The following FGFR2 variants were observed in gnomAD, a reference collection of about 807,000 sequenced individuals.
The protein encoded by FGFR2 is BEK fibroblast growth factor receptor.
Under a neutral mutation model 95.9 loss-of-function variants are expected in FGFR2, and 19 were observed. The observed-to-expected ratio is 0.20, with a 90% CI of 0.14 to 0.29. The LOEUF is 0.29. Ranked by LOEUF, FGFR2 falls within the 10% of genes least tolerant of loss-of-function variation. FGFR2 has a pLI of 1.00. For synonymous variants in FGFR2, 392 were observed against 393.3 expected (o/e 1.00, Z 0.04); for missense variants, 707 against 1,056.9 (o/e 0.67, Z 4.59).
intron 13 of FGFR2, among the ~76,000 whole-genome samples, chr10:121,495,977 C>T (rs1589751445): frequency 6.6e-6 from 1 of 152,192 alleles, no homozygotes; most frequent in Admixed American, 6.5e-5. Context: ...GGCAGTCCAC[C>T]TCAGGGGACC....
intron 2 of FGFR2, among the ~76,000 whole-genome samples, chr10:121,591,905 G>A (rs1196567195): frequency 3.3e-5 from 5 of 152,080 alleles, no homozygotes; most frequent in African/African-American, 1.2e-4. Context: ...GGGGAACTTC[G>A]TCCCTTTCCA....
At chr10:121,510,214 C>T (rs1411625781) in intron 9 of FGFR2, among the ~76,000 whole-genome samples, 1 of 152,196 alleles carries the variant, frequency 6.6e-6, no homozygotes, top group African/African-American at 2.4e-5. Context: ...TCTCTGCCTC[C>T]CGCAGGCCTT....
chr10:121,562,254 A>C (rs1857088624), intron 4 of FGFR2, among the ~76,000 whole-genome samples: 1 of 148,620 alleles, frequency 6.7e-6, no homozygotes, highest in East Asian at 1.9e-4. Flanking sequence ...CTTTATTTGC[A>C]ACTGTCAAAA....
rs780587674 is a variant in FGFR2 at position 121,496,593 on chromosome 10, T to C, written c.1802A>G (p.Lys601Arg). 3 of 1,613,750 alleles carry C rather than the reference T, an allele frequency of 1.9e-6. No homozygotes were observed. The highest frequency in any genetic ancestry group is 2.2e-5 in the East Asian group (1 of 44,812). The change falls in exon 13 of 18, where the codon AAG becomes AGG. Residue 601 changes from lysine (K) to arginine (R), a missense_variant. By Grantham distance (26) the Lys-to-Arg change is conservative (BLOSUM62 2). Transcript: ENST00000358487. ...NRVPEEQMTF[K>R]DLVSCTYQLA... is the part of the protein sequence containing the mutation. ...CTGGTAGGTGCATGACACCAAGTCCTTGAAGGTCATCTGCTCCTCAGGAAC... is the reference window on the plus strand; with the variant it reads ...CTGGTAGGTGCATGACACCAAGTCCCTGAAGGTCATCTGCTCCTCAGGAAC...
chr10:121,565,834 CA>C, intron 2 of FGFR2, 130 bp from the exon 3 acceptor site: 1 of 1,072,348 alleles, frequency 9.3e-7, no homozygotes. Context: ...ATGGCCCCAG[CA>C]GGCATCCACC....
chr10:121,528,214 G>A (rs78170250), intron 6 of FGFR2, among the ~76,000 whole-genome samples: 1 of 152,110 alleles, frequency 6.6e-6, no homozygotes, highest in Non-Finnish European at 1.5e-5. Flanking sequence ...TATCAAAAAT[G>A]ATCCAGTTAA....
chr10:121,514,802 G>A (rs1008663417), intron 9 of FGFR2, among the ~76,000 whole-genome samples: 8 of 152,178 alleles, frequency 5.3e-5, no homozygotes, highest in South Asian at 2.1e-4. Flanking sequence ...CGAAGAGACC[G>A]CTGTACTTGA....
intron 2 of FGFR2, among the ~76,000 whole-genome samples, chr10:121,578,525 T>A (rs138904899): frequency 1.1e-4 from 17 of 152,384 alleles, no homozygotes; most frequent in Non-Finnish European, 2.5e-4. Context: ...GGAGAGGGAC[T>A]GGAGTAGGGA....
At position 121,479,624 on chromosome 10, in the gene FGFR2, C is replaced by CA. The variant is rs1364508732; in HGVS notation, c.*232dup. On this transcript the variant is annotated 3_prime_UTR_variant, in exon 18 of 18. Transcript: ENST00000358487. ...TACGCACGGCAGGTGAGAGGGGTTA[C>CA]ATGGTGGCTTGTGGCAGTCCACTGC... 1 of 1,551,778 alleles carries CA rather than the reference C, an allele frequency of 6.4e-7. No homozygotes were observed. Among genetic ancestry groups the CA allele is most frequent in the Non-Finnish European group, 8.7e-7 (1 of 1,147,014 alleles).
intron 9 of FGFR2, among the ~76,000 whole-genome samples, chr10:121,513,045 C>A (rs886316589): frequency 6.6e-6 from 1 of 152,054 alleles, no homozygotes; most frequent in African/African-American, 2.4e-5. Flanking sequence ...AATTTTTGTA[C>A]TTTTAGTAGA....
At chr10:121,523,279 T>C (rs912850763) in intron 6 of FGFR2, among the ~76,000 whole-genome samples, 1 of 152,024 alleles carries the variant, frequency 6.6e-6, no homozygotes, top group African/African-American at 2.4e-5. Flanking sequence ...GGGCAGAAAA[T>C]CTCAAAGCTG....
chr10:121,590,506 T>C (rs1473036158), intron 2 of FGFR2, among the ~76,000 whole-genome samples: 1 of 152,084 alleles, frequency 6.6e-6, no homozygotes, highest in Admixed American at 6.6e-5. Context: ...CAAAAGGAAA[T>C]TAACAATGAA....
chr10:121,518,647 T>C lies in FGFR2; in HGVS notation c.940-1184A>G. The C allele has an allele frequency of 1.2e-6, 2 of 1,613,882 alleles. No homozygotes were observed. Among genetic ancestry groups the C allele is most frequent in the Non-Finnish European group, 1.7e-6 (2 of 1,179,940 alleles). Reference sequence around the variant, plus strand: ...TTTTCAGCTTCTATATCCAGCTTTCTTTTTAAAAAAAGACAAAAATGAAAG... The same window carrying C: ...TTTTCAGCTTCTATATCCAGCTTTCCTTTTAAAAAAAGACAAAAATGAAAG... On this transcript the variant is annotated intron_variant, in intron 7 of 17. Transcript: ENST00000358487. This position sits in a 1 kb window ranked among gnomAD's most constrained non-coding sequence, Gnocchi z 4.0.
In FGFR2 at chr10:121,483,567, G is replaced by C. The variant is rs961891748; in HGVS notation, c.2301+131C>G. ...AGAGGAACCCATAGTTGAACTATCT[G>C]ACCCTATGGAAAAAGAATAAACAAG... is the stretch of plus-strand genomic sequence containing the variant. On this transcript the variant is annotated intron_variant, in intron 17 of 17. Coordinates refer to ENST00000358487, the MANE Select transcript of FGFR2 (RefSeq NM_000141.5). 1.4e-5 allele frequency: 10 copies of C among 715,782 alleles called. No individual in the cohort carries two copies. The African/African-American group carries it at 1.8e-4, about 13-fold the overall frequency. The allele number at this position is 715,782 out of a possible 1,614,324, so 44.3% of individuals were successfully genotyped here.
In FGFR2 at chr10:121,598,378, G is replaced by C. The variant is rs1189136267; in HGVS notation, c.-567C>G. 1 of 167,394 alleles carries C rather than the reference G, an allele frequency of 6.0e-6. No homozygotes were observed. Among genetic ancestry groups the C allele is most frequent in the Non-Finnish European group, 1.3e-5 (1 of 78,930 alleles). The allele number at this position is 167,394 out of a possible 1,614,324, so 10.4% of individuals were successfully genotyped here. A position where few individuals can be genotyped will look rare whatever the true frequency, so the allele number is the denominator to read the frequency against. ...CCCCGCGGCGCCCGAGCTTTGTGGCGGCCGCGCGCGCTCCCTCGCCCGCTC... is the reference window on the plus strand; with the variant it reads ...CCCCGCGGCGCCCGAGCTTTGTGGCCGCCGCGCGCGCTCCCTCGCCCGCTC... On this transcript the variant is annotated 5_prime_UTR_variant, in exon 1 of 18. Coordinates refer to ENST00000358487, the MANE Select transcript of FGFR2 (RefSeq NM_000141.5).
At chr10:121,538,116 T>C in intron 6 of FGFR2, 1 of 568,034 alleles carries the variant, frequency 1.8e-6, no homozygotes, top group African/African-American at 1.9e-5. Context: ...TTTCTTGTGA[T>C]GGAAGTGAAG....
intron 1 of FGFR2, among the ~76,000 whole-genome samples, chr10:121,596,309 C>T (rs965825543): frequency 1.3e-4 from 20 of 152,216 alleles, no homozygotes; most frequent in African/African-American, 4.8e-4. Flanking sequence ...GCAGGAAGGG[C>T]TTGGCTGCGG....
At chr10:121,561,182 T>C (rs1343476989) in intron 4 of FGFR2, among the ~76,000 whole-genome samples, 1 of 152,066 alleles carries the variant, frequency 6.6e-6, no homozygotes, top group East Asian at 1.9e-4. Flanking sequence ...CCCAGCACTT[T>C]GGGAGGCCGA....
intron 6 of FGFR2, among the ~76,000 whole-genome samples, chr10:121,524,146 A>ACACACACACACACCCCC (rs142755962): frequency 5.1e-5 from 7 of 136,892 alleles, no homozygotes; most frequent in Non-Finnish European, 1.1e-4. Context: ...ACACACACAC[A>ACACACACACACACCCCC]CCCCAAGTTT....
Sources: gnomAD v4.1 joint callset for allele counts (sites outside exome capture counted in the v4.1 genomes callset) on GRCh38, gnomAD v4.1.1 for gene constraint, Gnocchi (gnomAD v3.1) non-coding constraint, MANE v1.5 for transcripts, NCBI Gene and HGNC (gene_info 2026-07-23, HGNC 2026-07-21) for gene names.